The following RIC3 variants were observed in gnomAD, a reference collection of about 807,000 sequenced individuals.
RIC3 encodes the protein RIC3 acetylcholine receptor chaperone.
RIC3 carries 28 observed loss-of-function variants against 27.3 expected under a neutral mutation model. The ratio of observed to expected loss-of-function variants is 1.02; its 90% CI spans 0.76 to 1.41. The LOEUF is 1.41. RIC3 is among the 40% of genes most tolerant of loss of function. The probability of loss-of-function intolerance (pLI) is 0.00; values close to 1 mark genes in which losing one functional copy is unlikely to be tolerated. For synonymous variants in RIC3, 184 were observed against 160.4 expected (o/e 1.15, Z -1.11); for missense variants, 501 against 444.7 (o/e 1.13, Z -1.14).
chr11:8,094,215 C>G, the RIC3 span: 1,450,679 of 1,589,628 alleles, frequency 0.91, 670,145 homozygotes, highest in South Asian at 0.97. Context: ...CTACAGCCCT[C>G]CCCAGCAGGC....
chr11:8,133,617 C>T (rs759607672), intron 4 of RIC3, among the ~76,000 whole-genome samples: 8 of 152,220 alleles, frequency 5.3e-5, no homozygotes, highest in African/African-American at 1.2e-4. Flanking sequence ...AAGAAGTCCA[C>T]AACTCAGCAT....
chr11:8,135,488 A>G (rs1948281211), intron 4 of RIC3: 1 of 152,168 alleles, frequency 6.6e-6, no homozygotes, highest in Admixed American at 6.5e-5. Context: ...TTCCATATGA[A>G]CTTTAAAGTA....
At position 8,107,639 on chromosome 11, in the gene RIC3, A is replaced by C. The variant is rs973239427; in HGVS notation, c.*3059T>G. Reference sequence around the variant, plus strand: ...GCCGTTGATTCTACAGGCCAAATACACCTCCACTCCTCATCACGACTCCCT... The same window carrying C: ...GCCGTTGATTCTACAGGCCAAATACCCCTCCACTCCTCATCACGACTCCCT... On this transcript the variant is annotated 3_prime_UTR_variant, in exon 6 of 6. Transcript: ENST00000309737. The C allele has an allele frequency of 6.6e-6, 1 of 151,868 alleles. No individual in the cohort carries two copies. Among genetic ancestry groups the C allele is most frequent in the African/African-American group, 2.4e-5 (1 of 41,310 alleles). The allele number at this position is 151,868 out of a possible 1,614,324, so 9.4% of individuals were successfully genotyped here.
chr11:8,168,993 T>G lies in RIC3; in HGVS notation c.-4A>C, dbSNP rs369515541. ...TCTGCACTGTGGAGTACGCCATGAC[T>G]GCTCACGGTGGTCGCAGGTGCAGAC... On this transcript the variant is annotated 5_prime_UTR_variant, in exon 1 of 6. Transcript: ENST00000309737. The G allele has an allele frequency of 6.4e-7, 1 of 1,568,296 alleles. No individual in the cohort carries two copies. The highest frequency in any genetic ancestry group is 8.6e-7 in the Non-Finnish European group (1 of 1,161,712).
chr11:8,115,018 T>C (rs529382550), intron 5 of RIC3, among the ~76,000 whole-genome samples: 1 of 152,198 alleles, frequency 6.6e-6, no homozygotes, highest in East Asian at 1.9e-4. Flanking sequence ...CACAAAGGGA[T>C]AGAAAGCTTA....
intron 1 of RIC3, among the ~76,000 whole-genome samples, chr11:8,156,041 A>G (rs911393176): frequency 2.6e-5 from 4 of 152,160 alleles, no homozygotes; most frequent in African/African-American, 9.7e-5. Flanking sequence ...TTCATCTTTT[A>G]TCAACCTCTC....
At chr11:8,128,750 CTTTT>C (rs1177448703) in intron 4 of RIC3, among the ~76,000 whole-genome samples, 30 of 88,490 alleles carry the variant, frequency 3.4e-4, no homozygotes, top group African/African-American at 1.1e-3. Context: ...GTTGCAAAAA[CTTTT>C]TTTTTTTTTT....
In RIC3 at chr11:8,109,289, T is replaced by A. The variant is rs1444000829; in HGVS notation, c.*1409A>T. The A allele has an allele frequency of 6.6e-6, 1 of 152,222 alleles. No homozygotes were observed. Among genetic ancestry groups the A allele is most frequent in the Non-Finnish European group, 1.5e-5 (1 of 68,036 alleles). The allele number at this position is 152,222 out of a possible 1,614,324, so 9.4% of individuals were successfully genotyped here. A position where few individuals can be genotyped will look rare whatever the true frequency, so the allele number is the denominator to read the frequency against. On this transcript the variant is annotated 3_prime_UTR_variant, in exon 6 of 6. Coordinates refer to ENST00000309737, the MANE Select transcript of RIC3 (RefSeq NM_001206671.4). ...ATCTACCTTTACATAATGTCTTAAT[T>A]TTCCAGTCTTCTACATTTCATGACT...
chr11:8,168,907 A>T lies in RIC3; in HGVS notation c.83T>A (p.Leu28Gln). ...ALSLLLPKAF[L>Q]SRGKRQEPPP... ...CGGCTCCTGCCGCTTCCCGCGGGACAGGAAGGCCTTGGGCAGCAGCAGCGA... is the reference window on the plus strand; with the variant it reads ...CGGCTCCTGCCGCTTCCCGCGGGACTGGAAGGCCTTGGGCAGCAGCAGCGA... Residue 28 changes from leucine to glutamine, a missense_variant, in exon 1 of 6, where the codon CTG (leucine) becomes CAG (glutamine). Transcript: ENST00000309737. 1 of 1,612,032 alleles carries T rather than the reference A, an allele frequency of 6.2e-7. No homozygotes were observed. The highest frequency in any genetic ancestry group is 1.7e-5 in the Admixed American group (1 of 59,826).
chr11:8,132,170 T>C (rs1947816620), intron 4 of RIC3, among the ~76,000 whole-genome samples: 1 of 152,204 alleles, frequency 6.6e-6, no homozygotes, highest in Non-Finnish European at 1.5e-5. Flanking sequence ...TTGTTACAAC[T>C]TGGCATGCTA....
the RIC3 span, chr11:8,097,921 G>C: frequency 2.2e-6 from 2 of 891,156 alleles, no homozygotes; most frequent in Non-Finnish European, 3.6e-6. Context: ...AGGAGATCTA[G>C]GCCAGGGATG....
rs759431812 is a variant in RIC3 at position 8,168,876 on chromosome 11, C to T, written c.114G>A (p.Pro38=). The T allele has an allele frequency of 1.1e-5, 17 of 1,610,244 alleles. No homozygotes were observed. Among genetic ancestry groups the T allele is most frequent in the African/African-American group, 5.4e-5 (4 of 74,672 alleles). ...LSRGKRQEPP[P]TPEGKLGRFP... ...CTGGCCTGCTCTTACCTTCAGGTGT[C>T]GGCGGCGGCTCCTGCCGCTTCCCGC... Residue 38 remains proline, a synonymous_variant, in exon 1 of 6, where the codon CCG becomes CCA. Transcript: ENST00000309737.
chr11:8,093,886 G>A, the RIC3 span, among the ~76,000 whole-genome samples: 1 of 152,186 alleles, frequency 6.6e-6, no homozygotes, highest in Non-Finnish European at 1.5e-5. Context: ...TAGTAGAGAT[G>A]AGTGGGCCTG....
intron 4 of RIC3, among the ~76,000 whole-genome samples, chr11:8,133,987 T>C (rs1948056553): frequency 6.6e-6 from 1 of 151,682 alleles, no homozygotes; most frequent in Non-Finnish European, 1.5e-5. Context: ...TTTTCTTTTT[T>C]TTTTTAATAT....
intron 5 of RIC3, among the ~76,000 whole-genome samples, chr11:8,112,814 C>G (rs1367856198): frequency 6.6e-6 from 1 of 152,080 alleles, no homozygotes; most frequent in Non-Finnish European, 1.5e-5. Flanking sequence ...TCCAATTTTC[C>G]CCTATTATAA....
At chr11:8,103,476 T>C (rs1465685729), downstream of RIC3, 2 of 152,572 alleles carry the variant, frequency 1.3e-5, no homozygotes, top group East Asian at 3.8e-4. Context: ...TAATATGCTC[T>C]CATTTCTTTG....
In RIC3 at chr11:8,108,650, T is replaced by C. The variant is rs891046523; in HGVS notation, c.*2048A>G. ...AGATTATGGCTCATGTTTCTCTGCC[T>C]GCAGGATTCACGATCCTGAGCCCTC... is the stretch of plus-strand genomic sequence containing the variant. On this transcript the variant is annotated 3_prime_UTR_variant, in exon 6 of 6. Coordinates refer to ENST00000309737, the MANE Select transcript of RIC3 (RefSeq NM_001206671.4). The C allele has an allele frequency of 6.6e-6, 1 of 152,248 alleles. No individual in the cohort carries two copies. The highest frequency in any genetic ancestry group is 2.4e-5 in the African/African-American group (1 of 41,452). 9.4% of individuals were successfully genotyped at this position (152,248 alleles called of 1,614,324 possible). A position where few individuals can be genotyped will look rare whatever the true frequency, so the allele number is the denominator to read the frequency against.
chr11:8,128,260 AC>A (rs1947226684), intron 4 of RIC3: 1 of 457,380 alleles, frequency 2.2e-6, no homozygotes. Flanking sequence ...GGCACATGTT[AC>A]TTTTCCAGAC....
the RIC3 span, among the ~76,000 whole-genome samples, chr11:8,096,274 G>A: frequency 6.6e-6 from 1 of 152,164 alleles, no homozygotes. Context: ...CAGATTCCGT[G>A]GTCTATGCCA....
Sources: allele counts gnomAD v4.1 joint callset (sites outside exome capture counted in the v4.1 genomes callset), GRCh38; gene constraint gnomAD v4.1.1; transcripts MANE v1.5; gene names NCBI Gene and HGNC (gene_info 2026-07-23, HGNC 2026-07-21).